PPP2R1B: variants seen among roughly 807,000 people sequenced by gnomAD.
PPP2R1B encodes protein phosphatase 2 scaffold subunit Abeta, also known as serine/threonine-protein phosphatase 2A 65 kDa regulatory subunit A beta isoform.
Under a neutral mutation model 72.7 loss-of-function variants are expected in PPP2R1B, and 58 were observed. The observed-to-expected ratio is 0.80, with a 90% CI of 0.65 to 0.99. PPP2R1B has a LOEUF of 0.99. Among genes scored for constraint, PPP2R1B ranks in the 50% least tolerant of loss-of-function variants. PPP2R1B has a pLI of 0.00. For synonymous variants in PPP2R1B, 256 were observed against 264.6 expected, an observed-to-expected ratio of 0.97 and a Z score of 0.32; for missense variants, 695 against 733.6, an observed-to-expected ratio of 0.95 and a Z score of 0.61.
the PPP2R1B span, among the ~76,000 whole-genome samples, chr11:111,714,982 G>C: frequency 6.6e-5 from 10 of 152,222 alleles, no homozygotes; most frequent in African/African-American, 2.4e-4. Context: ...AGGGCATCAG[G>C]CCTAAAACAC....
chr11:111,742,360 A>G, intron 13 of PPP2R1B, 163 bp downstream of exon 13: 1 of 835,198 alleles, frequency 1.2e-6, no homozygotes, highest in Non-Finnish European at 1.8e-6. Flanking sequence ...TATAAAAGTC[A>G]TAGTGGACAT....
the PPP2R1B span, among the ~76,000 whole-genome samples, chr11:111,699,474 C>T: frequency 3.3e-5 from 5 of 152,170 alleles, no homozygotes; most frequent in Non-Finnish European, 5.9e-5. Flanking sequence ...AGCATCCTAT[C>T]TGGGTAGGTG....
chr11:111,708,268 G>C, the PPP2R1B span, among the ~76,000 whole-genome samples: 1 of 152,140 alleles, frequency 6.6e-6, no homozygotes, highest in Non-Finnish European at 1.5e-5. Context: ...TATAATCCCA[G>C]CTATGCGGGA....
chr11:111,760,866 G>A lies in PPP2R1B; in HGVS notation c.492C>T (p.Ser164=), dbSNP rs186368063. Residue 164 remains serine, a synonymous_variant, in exon 4 of 15, where the codon AGC becomes AGT. Coordinates refer to ENST00000527614, the MANE Select transcript of PPP2R1B (RefSeq NM_002716.5). ...CATTTGATGCCCTGGGATAGCAAAC[G>A]CTGAACAAACCACATGCAGATGTGC... ...TSRTSACGLF[S]VCYPRASNAV... is the part of the protein sequence containing the mutation. The A allele has an allele frequency of 1.1e-4, 179 of 1,614,160 alleles. No homozygotes were observed. The highest frequency in any genetic ancestry group is 3.3e-4 in the Middle Eastern group (2 of 6,062).
chr11:111,707,816 C>G, the PPP2R1B span, among the ~76,000 whole-genome samples: 4 of 152,162 alleles, frequency 2.6e-5, no homozygotes, highest in East Asian at 1.9e-4. Context: ...ATAACGTGAG[C>G]TGTGGAATCA....
the PPP2R1B span, among the ~76,000 whole-genome samples, chr11:111,707,130 C>T: frequency 3.9e-5 from 6 of 152,040 alleles, no homozygotes; most frequent in Non-Finnish European, 5.9e-5. Context: ...ACATGTAAGA[C>T]GTAGTGGAAC....
At chr11:111,723,330 T>A (rs151142777), downstream of PPP2R1B, among the ~76,000 whole-genome samples, 198 of 152,296 alleles carry the variant, frequency 1.3e-3, 1 homozygote, top group Non-Finnish European at 1.2e-3. Context: ...AACATGAGAT[T>A]AGGTTTAAGA....
the PPP2R1B span, among the ~76,000 whole-genome samples, chr11:111,691,327 A>T: frequency 2.0e-5 from 3 of 152,200 alleles, no homozygotes; most frequent in Non-Finnish European, 4.4e-5. Flanking sequence ...CTCACATTTA[A>T]TTGGGCCCTC....
rs782201599 is a variant in PPP2R1B, at chr11:111,755,254, T to C, written c.843+41A>G. ...GGGTACAACAGCAAATCTATGTGTT[T>C]TCAGGTTTATTTCCTTAGTACTTAA... On this transcript the variant is annotated intron_variant, in intron 6 of 14. Transcript: ENST00000527614. 2.5e-6 allele frequency: 4 copies of C among 1,569,784 alleles called. No homozygotes were observed. The East Asian group carries it at 9.0e-5, about 35-fold the overall frequency.
the PPP2R1B span, chr11:111,712,091 CAATA>C: frequency 9.3e-7 from 1 of 1,080,506 alleles, no homozygotes; most frequent in Admixed American, 2.3e-5. Flanking sequence ...CTGGAGTTTC[CAATA>C]AATAAATATT....
chr11:111,734,957 C>G (rs992562528), downstream of PPP2R1B, among the ~76,000 whole-genome samples: 2 of 152,240 alleles, frequency 1.3e-5, no homozygotes, highest in Non-Finnish European at 2.9e-5. Context: ...AGGCCCAGAA[C>G]AGCCTGGTTC....
chr11:111,752,390 GTCTC>G, intron 9 of PPP2R1B, 58 bp from the exon 10 acceptor site: 1 of 1,488,350 alleles, frequency 6.7e-7, no homozygotes, highest in Non-Finnish European at 9.0e-7. Flanking sequence ...CTGCCCAACA[GTCTC>G]CTGTCAGGGT....
chr11:111,699,307 C>T, the PPP2R1B span, among the ~76,000 whole-genome samples: 1 of 152,116 alleles, frequency 6.6e-6, no homozygotes, highest in Non-Finnish European at 1.5e-5. Context: ...CTTGAAGCTC[C>T]CTCTAAACTT....
At chr11:111,734,563 C>T (rs1198926295), downstream of PPP2R1B, among the ~76,000 whole-genome samples, 4 of 152,234 alleles carry the variant, frequency 2.6e-5, no homozygotes, top group East Asian at 5.8e-4. Flanking sequence ...GACCTGCTCC[C>T]GTGTGCCCTG....
rs1443073302 is a variant in PPP2R1B at position 111,740,459 on chromosome 11, A to T, written c.*1137T>A. 9 of 982,580 alleles carry T rather than the reference A, an allele frequency of 9.2e-6. No homozygotes were observed. Among genetic ancestry groups the T allele is most frequent in the Non-Finnish European group, 1.1e-5 (9 of 827,506 alleles). The allele number at this position is 982,580 out of a possible 1,614,324, so 60.9% of individuals were successfully genotyped here. A position where few individuals can be genotyped will look rare whatever the true frequency, so the allele number is the denominator to read the frequency against. ...GATCTCGAATTCTTGACCTCAAATG[A>T]TCCCAAATAGGTGCTTTTTAAAAAG... On this transcript the variant is annotated 3_prime_UTR_variant, in exon 15 of 15. Coordinates refer to ENST00000527614, the MANE Select transcript of PPP2R1B (RefSeq NM_002716.5).
intron 6 of PPP2R1B, 66 bp from the exon 7 acceptor site, chr11:111,755,160 T>A (rs950311253): frequency 6.5e-7 from 1 of 1,538,764 alleles, no homozygotes; most frequent in Non-Finnish European, 8.9e-7. Flanking sequence ...CAAAACAAAA[T>A]TGTGCAATCT....
At chr11:111,715,009 G>A in the PPP2R1B span, among the ~76,000 whole-genome samples, 1 of 152,266 alleles carries the variant, frequency 6.6e-6, no homozygotes, top group Non-Finnish European at 1.5e-5. Flanking sequence ...GGCACTGACT[G>A]CTGTATTATA....
At chr11:111,746,742 T>C (rs1944718118) in intron 11 of PPP2R1B, among the ~76,000 whole-genome samples, 1 of 152,204 alleles carries the variant, frequency 6.6e-6, no homozygotes, top group Non-Finnish European at 1.5e-5. Flanking sequence ...TTTTTAAAAG[T>C]GGTATTTCTT....
At position 111,739,194 on chromosome 11, in the gene PPP2R1B, T is replaced by C. The variant is rs1412911451; in HGVS notation, c.*2402A>G. The C allele has an allele frequency of 3.0e-6, 3 of 983,684 alleles. No homozygotes were observed. Among genetic ancestry groups the C allele is most frequent in the Non-Finnish European group, 3.6e-6 (3 of 828,444 alleles). 60.9% of individuals were successfully genotyped at this position (983,684 alleles called of 1,614,324 possible). On this transcript the variant is annotated 3_prime_UTR_variant, in exon 15 of 15. Coordinates refer to ENST00000527614, the MANE Select transcript of PPP2R1B (RefSeq NM_002716.5). The stretch of plus-strand genomic sequence containing the variant: ...AATTCATCCATTGAACACATTTTTA[T>C]TGAGCACCTATTATGTGCACCAGAC...
Sources: allele counts gnomAD v4.1 joint callset (sites outside exome capture counted in the v4.1 genomes callset), GRCh38; gene constraint gnomAD v4.1.1; transcripts MANE v1.5; gene names NCBI Gene and HGNC (gene_info 2026-07-23, HGNC 2026-07-21).